Variants in STARD10 observed in about 807,000 individuals in gnomAD.
STARD10 encodes StAR related lipid transfer domain containing 10.
A neutral mutation model predicts 36.0 loss-of-function variants in STARD10; 24 were observed. That is an observed-to-expected ratio of 0.67 (90% CI 0.48 to 0.94). The LOEUF (loss-of-function observed/expected upper bound fraction) is 0.94, where lower values mean the gene tolerates loss of function less well. Ranked by LOEUF, STARD10 falls within the 40% of genes least tolerant of loss-of-function variation. The pLI is 0.00. For missense variants in STARD10, 335 were observed against 396.6 expected (o/e 0.84, Z 1.32); for synonymous variants, 156 against 161.9 (o/e 0.96, Z 0.28).
intron 2 of STARD10, chr11:72,780,164 T>A (rs538497941): frequency 2.4e-5 from 11 of 449,354 alleles, no homozygotes; most frequent in South Asian, 1.7e-4. Context: ...AACCAGAGTC[T>A]TCACGAGCCC....
chr11:72,785,613 C>T (rs1049418495), intron 1 of STARD10, among the ~76,000 whole-genome samples: 5 of 150,352 alleles, frequency 3.3e-5, no homozygotes, highest in Non-Finnish European at 5.9e-5. Flanking sequence ...GGCCTCTCAG[C>T]TCCTAACCTG....
Position 72,755,088 on chromosome 11 carries a change from G to C in STARD10, c.685C>G (p.His229Asp). 6.2e-7 allele frequency: 1 copy of C among 1,613,432 alleles called. No individual in the cohort carries two copies. The highest frequency in any genetic ancestry group is 8.5e-7 in the Non-Finnish European group (1 of 1,179,792). ...CLKYPEWKQK[H>D]LPHFKPWLHP... ...AGCCACGGCTTGAAGTGAGGCAGGT[G>C]CTTCTGTTTCCACTCGGGGTACTTG... Residue 229 changes from histidine (H) to aspartate (D), a missense_variant, in exon 7 of 7, where the codon CAC becomes GAC. Physicochemically the swap from His to Asp is moderately conservative, Grantham distance 81 (BLOSUM62 -1). Coordinates refer to ENST00000334805, the MANE Select transcript of STARD10 (RefSeq NM_006645.3).
In STARD10 at chr11:72,760,388, G is replaced by A. The variant is rs560172212; in HGVS notation, c.208-1007C>T. Among the ~76,000 whole-genome samples the A allele has an allele frequency of 1.1e-4, 16 of 151,464 alleles. No homozygotes were observed. In the East Asian group the frequency reaches 1.8e-3, roughly 17 times the overall value. ...ATTACAGGCACCTGCCACCACTCCC[G>A]GCTAATTTTTTGTATTTTTAGTAGA... On this transcript the variant is annotated intron_variant, in intron 2 of 6. Coordinates refer to ENST00000334805, the MANE Select transcript of STARD10 (RefSeq NM_006645.3).
rs758510876 is a variant in STARD10 at position 72,754,863 on chromosome 11, C to G, written c.*34G>C. 4 of 1,583,048 alleles carry G rather than the reference C, an allele frequency of 2.5e-6. No individual in the cohort carries two copies. Among genetic ancestry groups the G allele is most frequent in the Non-Finnish European group, 3.4e-6 (4 of 1,170,486 alleles). On this transcript the variant is annotated 3_prime_UTR_variant, in exon 7 of 7. Transcript: ENST00000334805. ...AGCGGCCGCCGCCCCAGGGCTCGCC[C>G]GGTCCTGTCTCCGTCCCTGAAGCGG... is the stretch of plus-strand genomic sequence containing the variant.
intron 1 of STARD10, among the ~76,000 whole-genome samples, chr11:72,785,077 C>T (rs1421844682): frequency 6.6e-6 from 1 of 152,136 alleles, no homozygotes; most frequent in Admixed American, 6.5e-5. Flanking sequence ...TTTTTGTTCA[C>T]TACCCCCTGA....
intron 2 of STARD10, among the ~76,000 whole-genome samples, chr11:72,775,742 C>G (rs537019893): frequency 2.6e-5 from 4 of 152,050 alleles, no homozygotes; most frequent in Non-Finnish European, 5.9e-5. Flanking sequence ...CTCCATCCCC[C>G]ACCTCCAGCA....
intron 1 of STARD10, among the ~76,000 whole-genome samples, chr11:72,784,866 G>A (rs988342189): frequency 2.0e-5 from 3 of 152,222 alleles, no homozygotes; most frequent in Admixed American, 6.5e-5. Flanking sequence ...GTGGGAATGT[G>A]AGGCATCATT....
At chr11:72,779,545 G>A (rs537358107) in intron 2 of STARD10, among the ~76,000 whole-genome samples, 10 of 151,978 alleles carry the variant, frequency 6.6e-5, no homozygotes, top group African/African-American at 1.5e-4. Context: ...CTAAGATCTC[G>A]CTACTACACT....
At chr11:72,792,089 A>G (rs530568537) in intron 1 of STARD10, among the ~76,000 whole-genome samples, 5,576 of 120,536 alleles carry the variant, frequency 0.046, 184 homozygotes, top group Admixed American at 0.07. Flanking sequence ...TTACTCTGTC[A>G]GCCAGGCTGG....
intron 1 of STARD10, chr11:72,782,154 A>G (rs1187895383): frequency 6.6e-6 from 1 of 152,418 alleles, no homozygotes; most frequent in African/African-American, 2.4e-5. Flanking sequence ...GCAACAACCT[A>G]CAGTATTTAC....
chr11:72,779,626 C>G (rs1858967206), intron 2 of STARD10, among the ~76,000 whole-genome samples: 1 of 152,070 alleles, frequency 6.6e-6, no homozygotes, highest in Non-Finnish European at 1.5e-5. Context: ...TCCCTGCTCT[C>G]AGGGAACAAC....
chr11:72,758,432 G>T, intron 4 of STARD10, 98 bp downstream of exon 4: 1 of 925,586 alleles, frequency 1.1e-6, no homozygotes, highest in Non-Finnish European at 1.7e-6. Flanking sequence ...GTGGGCCCAT[G>T]CCTGCCCGAA....
intron 1 of STARD10, among the ~76,000 whole-genome samples, chr11:72,788,004 G>C (rs576765719): frequency 2.6e-5 from 4 of 152,182 alleles, no homozygotes; most frequent in Non-Finnish European, 4.4e-5. Flanking sequence ...AGAGGTTTGG[G>C]GGGGGCAGCC....
intron 6 of STARD10, 186 bp downstream of exon 6, chr11:72,755,515 T>C: frequency 1.5e-6 from 1 of 686,366 alleles, no homozygotes; most frequent in South Asian, 1.5e-5. Flanking sequence ...TTCACCATGT[T>C]GGCCAGGCTG....
chr11:72,758,824 G>A (rs916502236), intron 3 of STARD10, among the ~76,000 whole-genome samples, 191 bp from the exon 4 acceptor site: 1 of 152,234 alleles, frequency 6.6e-6, no homozygotes, highest in African/African-American at 2.4e-5. Context: ...TGTCCCTACT[G>A]TCTCCAGCCA....
chr11:72,774,070 C>G (rs754066786), intron 2 of STARD10, among the ~76,000 whole-genome samples: 3 of 152,196 alleles, frequency 2.0e-5, no homozygotes, highest in Non-Finnish European at 4.4e-5. Context: ...CCCAGCCACT[C>G]TGGCAGGGTC....
At chr11:72,758,290 C>A (rs535209403) in intron 4 of STARD10, among the ~76,000 whole-genome samples, 1 of 152,346 alleles carries the variant, frequency 6.6e-6, no homozygotes, top group African/African-American at 2.4e-5. Flanking sequence ...CAGAGCCCAA[C>A]CAATCGAAGT....
intron 1 of STARD10, among the ~76,000 whole-genome samples, chr11:72,786,362 A>C (rs1859070917): frequency 6.6e-6 from 1 of 152,080 alleles, no homozygotes. Context: ...CAGTTAAAAA[A>C]AAAAAGGAAA....
intron 2 of STARD10, among the ~76,000 whole-genome samples, chr11:72,771,322 G>T (rs1004295880): frequency 2.0e-5 from 3 of 152,152 alleles, no homozygotes; most frequent in African/African-American, 7.2e-5. Context: ...GTTGGGGCTG[G>T]CTTGCCTAGA....
Sources: allele counts gnomAD v4.1 joint callset (sites outside exome capture counted in the v4.1 genomes callset), GRCh38; gene constraint gnomAD v4.1.1; transcripts MANE v1.5; gene names NCBI Gene and HGNC (gene_info 2026-07-23, HGNC 2026-07-21).